Variants in DYSF observed in about 807,000 individuals in gnomAD.
DYSF encodes dysferlin.
DYSF carries 212 observed loss-of-function variants against 274.9 expected under a neutral mutation model. The ratio of observed to expected loss-of-function variants is 0.77; its 90% CI spans 0.69 to 0.86. DYSF has a LOEUF of 0.86. DYSF is among the 40% of genes least tolerant of loss of function. The pLI is 0.00. For missense variants in DYSF, 2,666 were observed against 2,783.2 expected (o/e 0.96, Z 0.95); for synonymous variants, 1,091 against 1,078.7 (o/e 1.01, Z -0.22).
At chr2:71,488,520 A>G (rs1476817512) in intron 3 of DYSF, among the ~76,000 whole-genome samples, 1 of 152,186 alleles carries the variant, frequency 6.6e-6, no homozygotes, top group East Asian at 1.9e-4. Context: ...AGCATACAGA[A>G]CAACCTGTTA....
intron 52 of DYSF, among the ~76,000 whole-genome samples, chr2:71,675,298 G>T (rs549039982): frequency 7.0e-4 from 107 of 152,302 alleles, no homozygotes; most frequent in African/African-American, 2.4e-3. Context: ...TTAAAGTGGT[G>T]CATTTATGTG....
intron 1 of DYSF, among the ~76,000 whole-genome samples, chr2:71,455,021 C>T (rs1303799985): frequency 6.6e-6 from 1 of 152,214 alleles, no homozygotes; most frequent in East Asian, 1.9e-4. Flanking sequence ...CACTCCCCTT[C>T]TCCCCAGAGA....
chr2:71,485,672 GA>G (rs1176330969), intron 3 of DYSF, among the ~76,000 whole-genome samples: 1 of 152,134 alleles, frequency 6.6e-6, no homozygotes, highest in Non-Finnish European at 1.5e-5. Context: ...ATGGATGTGA[GA>G]AAACAACCAA....
chr2:71,507,090 G>A (rs1236295514), intron 4 of DYSF, among the ~76,000 whole-genome samples: 3 of 152,160 alleles, frequency 2.0e-5, no homozygotes, highest in African/African-American at 7.2e-5. Flanking sequence ...GCATCCCGGA[G>A]AGGGCTGCTC....
Position 71,681,051 on chromosome 2 carries a change from G to A in DYSF, c.6114G>A (p.Glu2038=), listed in dbSNP as rs763872293. 21 of 1,614,114 alleles carry A rather than the reference G, an allele frequency of 1.3e-5. No individual in the cohort carries two copies. Among genetic ancestry groups the A allele is most frequent in the Non-Finnish European group, 1.7e-5 (20 of 1,180,056 alleles). The change falls in exon 54 of 56, where the codon GAG becomes GAA. Residue 2038 remains glutamate (E), a synonymous_variant. Transcript: ENST00000410020. ...TTGTAGCAGAGAGTGAGCATGAGGA[G>A]CGGCCTGCTGGCCAGGGCCGGGATG... The part of the protein sequence containing the change: ...LEIVAESEHE[E]RPAGQGRDEP...
chr2:71,580,600 C>T (rs1372511789), intron 30 of DYSF, among the ~76,000 whole-genome samples: 2 of 152,156 alleles, frequency 1.3e-5, no homozygotes, highest in Non-Finnish European at 2.9e-5. Context: ...GGAAACAAGA[C>T]CTATGGCTGG....
Position 71,497,207 on chromosome 2 carries a change from G to C in DYSF, c.240-6007G>C, listed in dbSNP as rs372407978. Among the ~76,000 whole-genome samples the C allele has an allele frequency of 2.6e-5, 4 of 152,178 alleles. No homozygotes were observed. The East Asian group carries it at 7.7e-4, about 29-fold the overall frequency. On this transcript the variant is annotated intron_variant, in intron 3 of 55. Coordinates refer to ENST00000410020, the MANE Select transcript of DYSF (RefSeq NM_001130987.2). ...CAGAAAAAGAGTTTAATACTGAGCT[G>C]GCTAAATGGGAGACTGGAGTGTTAT...
intron 4 of DYSF, among the ~76,000 whole-genome samples, chr2:71,507,692 C>T (rs1437824414): frequency 6.6e-6 from 1 of 152,148 alleles, no homozygotes; most frequent in Non-Finnish European, 1.5e-5. Flanking sequence ...CAGGCAGGGC[C>T]CTCAGTGTTC....
rs550441541 is a variant in DYSF, at chr2:71,548,033, C to T, written c.1577-3008C>T. The stretch of plus-strand genomic sequence containing the variant: ...GCAGCTGTGTCTGTGTTGGCCCTCT[C>T]GCTGTTGCAGAAAACTCCCCATGAG... On this transcript the variant is annotated intron_variant, in intron 17 of 55. Coordinates refer to ENST00000410020, the MANE Select transcript of DYSF (RefSeq NM_001130987.2). Among the ~76,000 whole-genome samples the T allele has an allele frequency of 7.9e-5, 12 of 152,320 alleles. No individual in the cohort carries two copies. In the South Asian group the frequency reaches 1.0e-3, roughly 13 times the overall value.
chr2:71,508,854 G>A (rs1268012783), intron 4 of DYSF, among the ~76,000 whole-genome samples: 3 of 152,054 alleles, frequency 2.0e-5, no homozygotes. Flanking sequence ...TTTTGTATTT[G>A]TATTTTTACT....
At chr2:71,650,338 A>G (rs1165841131) in intron 42 of DYSF, among the ~76,000 whole-genome samples, 1 of 152,090 alleles carries the variant, frequency 6.6e-6, no homozygotes, top group African/African-American at 2.4e-5. Flanking sequence ...AAAATTAGTC[A>G]GGCGTGGTGG....
intron 3 of DYSF, among the ~76,000 whole-genome samples, chr2:71,502,888 G>C (rs1298368679): frequency 6.6e-6 from 1 of 152,140 alleles, no homozygotes; most frequent in African/African-American, 2.4e-5. Flanking sequence ...GACTGTCAAG[G>C]GCTCATGGGA....
chr2:71,478,681 C>T (rs760369348), intron 1 of DYSF, among the ~76,000 whole-genome samples: 2 of 152,106 alleles, frequency 1.3e-5, no homozygotes, highest in Admixed American at 1.3e-4. Flanking sequence ...GGAGCTCCCC[C>T]CTCTCCCTGG....
chr2:71,675,991 G>T (rs1009105856), intron 52 of DYSF, among the ~76,000 whole-genome samples: 10 of 151,908 alleles, frequency 6.6e-5, no homozygotes, highest in African/African-American at 2.4e-4. Flanking sequence ...AGTAGGTATC[G>T]ATCTGCATTT....
chr2:71,516,291 T>C (rs566974357), intron 9 of DYSF, 49 bp downstream of exon 9: 5 of 1,554,620 alleles, frequency 3.2e-6, no homozygotes, highest in African/African-American at 1.4e-5. Flanking sequence ...TGTATGCACA[T>C]AGGTGTCAGT....
At chr2:71,471,076 G>A (rs2152655906) in intron 1 of DYSF, among the ~76,000 whole-genome samples, 1 of 152,226 alleles carries the variant, frequency 6.6e-6, no homozygotes, top group South Asian at 2.1e-4. Flanking sequence ...GATTACAGGT[G>A]TCAGCCACCC....
intron 10 of DYSF, among the ~76,000 whole-genome samples, chr2:71,518,420 C>A (rs1421015565): frequency 1.0e-4 from 14 of 136,682 alleles, no homozygotes; most frequent in Admixed American, 5.0e-4. Context: ...CCACGCCTGG[C>A]AGTTTTTTTT....
intron 22 of DYSF, 42 bp downstream of exon 22, chr2:71,556,113 T>G (rs1244532580): frequency 6.7e-7 from 1 of 1,495,616 alleles, no homozygotes; most frequent in South Asian, 1.2e-5. Context: ...CTCTCCTGGC[T>G]CAACTGGGCC....
chr2:71,475,763 C>T (rs533474818), intron 1 of DYSF, among the ~76,000 whole-genome samples: 1 of 152,198 alleles, frequency 6.6e-6, no homozygotes, highest in South Asian at 2.1e-4. Context: ...AAATGAATTT[C>T]CTAAGAGATT....
Sources: gnomAD v4.1 joint callset for allele counts (sites outside exome capture counted in the v4.1 genomes callset) on GRCh38, gnomAD v4.1.1 for gene constraint, MANE v1.5 for transcripts, NCBI Gene and HGNC (gene_info 2026-07-23, HGNC 2026-07-21) for gene names.